The following MSI2 variants were observed in gnomAD, a reference collection of about 807,000 sequenced individuals.
The protein encoded by MSI2 is RNA-binding protein Musashi homolog 2.
A neutral mutation model predicts 45.6 loss-of-function variants in MSI2; 17 were observed. The ratio of observed to expected loss-of-function variants is 0.37; its 90% confidence interval spans 0.26 to 0.56. MSI2 has a LOEUF of 0.56. Among genes scored for constraint, MSI2 ranks in the 20% least tolerant of loss-of-function variants. The pLI, the probability that MSI2 is intolerant of heterozygous loss-of-function variation, is 0.77. For synonymous variants in MSI2, 156 were observed against 158.2 expected (o/e 0.99, Z 0.11); for missense variants, 293 against 444.2 (o/e 0.66, Z 3.06).
At chr17:57,558,654 A>T (rs1403715553) in intron 7 of MSI2, among the ~76,000 whole-genome samples, 1 of 152,222 alleles carries the variant, frequency 6.6e-6, no homozygotes, top group East Asian at 1.9e-4. Flanking sequence ...CCAGTTATAA[A>T]GCACCAGCCC....
intron 7 of MSI2, among the ~76,000 whole-genome samples, chr17:57,571,568 C>T (rs1023470662): frequency 2.6e-5 from 4 of 152,166 alleles, no homozygotes; most frequent in African/African-American, 9.7e-5. Flanking sequence ...CTCTTGGATT[C>T]GTGGTGTGGT....
chr17:57,525,246 C>G (rs903687079), intron 6 of MSI2, among the ~76,000 whole-genome samples: 1 of 152,088 alleles, frequency 6.6e-6, no homozygotes, highest in Non-Finnish European at 1.5e-5. Context: ...ACCAGCTTAC[C>G]TAAATGTTAC....
chr17:57,652,171 T>C lies in MSI2; in HGVS notation c.790+10T>C, dbSNP rs1911202335. ...GCAGCAAGAGGATCAGGTAGGAAGG[T>C]GTATGGGACAGGCGACTCCCAGGCA... On this transcript the variant is annotated intron_variant, in intron 11 of 13. Transcript: ENST00000284073. The surrounding 1 kb of genome is among the most constrained non-coding windows in gnomAD (Gnocchi z 4.1). The C allele has an allele frequency of 4.3e-6, 7 of 1,613,284 alleles. No homozygotes were observed. The highest frequency in any genetic ancestry group is 1.7e-5 in the Admixed American group (1 of 59,976).
rs1909322936 is a variant in MSI2 at position 57,280,493 on chromosome 17, T to C, written c.312+18301T>C. Among the ~76,000 whole-genome samples the C allele has an allele frequency of 6.6e-6, 1 of 152,060 alleles. No homozygotes were observed. Among genetic ancestry groups the C allele is most frequent in the African/African-American group, 2.4e-5 (1 of 41,384 alleles). On this transcript the variant is annotated intron_variant, in intron 5 of 13. Transcript: ENST00000284073. The surrounding 1 kb of genome is among the most constrained non-coding windows in gnomAD (Gnocchi z 4.2). ...TGGAGCAGCAGCTTGGTGGTTTGGT[T>C]AGTTGAGGAGTAGCAAGTGTTAAAG...
intron 6 of MSI2, among the ~76,000 whole-genome samples, chr17:57,526,557 G>A (rs1238514238): frequency 3.3e-5 from 5 of 151,966 alleles, no homozygotes; most frequent in African/African-American, 2.4e-5. Context: ...ATAGAACCGT[G>A]AGAAACAGTC....
At chr17:57,474,764 G>A (rs1354590001) in intron 6 of MSI2, among the ~76,000 whole-genome samples, 2 of 152,034 alleles carry the variant, frequency 1.3e-5, no homozygotes, top group Non-Finnish European at 2.9e-5. Flanking sequence ...TGTCTTCCAG[G>A]CTGAAGTGCA....
intron 5 of MSI2, among the ~76,000 whole-genome samples, chr17:57,371,786 C>G (rs1014299211): frequency 6.6e-6 from 1 of 151,858 alleles, no homozygotes; most frequent in Admixed American, 6.6e-5. Context: ...AGCAACATCT[C>G]TGATCACTTC....
chr17:57,273,102 A>G (rs1018911818), intron 5 of MSI2, among the ~76,000 whole-genome samples: 1 of 152,144 alleles, frequency 6.6e-6, no homozygotes, highest in Non-Finnish European at 1.5e-5. Flanking sequence ...CACCTAGGAG[A>G]GAATTGGGTT....
At chr17:57,513,336 A>G (rs1166319263) in intron 6 of MSI2, among the ~76,000 whole-genome samples, 2 of 152,172 alleles carry the variant, frequency 1.3e-5, no homozygotes, top group African/African-American at 4.8e-5. Flanking sequence ...GAAGTGAAGT[A>G]ACAGAGGCAC....
rs572677712 is a variant in MSI2, at chr17:57,457,351, C to T, written c.405+55880C>T. Reference sequence around the variant, plus strand: ...TTAGGAGATGCAAGGGCTCCATGGCCGTACATGTGGCAACTCCTAAATTAA... The same window carrying T: ...TTAGGAGATGCAAGGGCTCCATGGCTGTACATGTGGCAACTCCTAAATTAA... On this transcript the variant is annotated intron_variant, in intron 6 of 13. Coordinates refer to ENST00000284073, the MANE Select transcript of MSI2 (RefSeq NM_138962.4). 8.5e-5 allele frequency among the ~76,000 whole-genome samples: 13 copies of T among 152,250 alleles called. 1 individual carries two copies. In the South Asian group the frequency reaches 2.7e-3, roughly 32 times the overall value.
At chr17:57,498,353 A>G (rs1416038003) in intron 6 of MSI2, among the ~76,000 whole-genome samples, 1 of 152,264 alleles carries the variant, frequency 6.6e-6, no homozygotes, top group African/African-American at 2.4e-5. Flanking sequence ...ATGAGTAGCT[A>G]AGTATCTGTC....
rs527884677 is a variant in MSI2, at chr17:57,682,921, C to T, written c.*3404C>T. 3.1e-5 allele frequency: 7 copies of T among 226,884 alleles called. No individual in the cohort carries two copies. The highest frequency in any genetic ancestry group is 8.9e-5 in the African/African-American group (4 of 45,090). The allele number at this position is 226,884 out of a possible 1,614,324, so 14.1% of individuals were successfully genotyped here. A position where few individuals can be genotyped will look rare whatever the true frequency, so the allele number is the denominator to read the frequency against. Reference sequence around the variant, plus strand: ...CGGTCCTAGCTGGGCATGGGGCTGACGGAGATGACCAAGCCTTGGTCTGCT... The same window carrying T: ...CGGTCCTAGCTGGGCATGGGGCTGATGGAGATGACCAAGCCTTGGTCTGCT... On this transcript the variant is annotated 3_prime_UTR_variant, in exon 14 of 14. Transcript: ENST00000284073.
intron 6 of MSI2, among the ~76,000 whole-genome samples, chr17:57,466,360 G>A (rs2143654749): frequency 6.6e-6 from 1 of 152,330 alleles, no homozygotes; most frequent in South Asian, 2.1e-4. Flanking sequence ...CATAATAGCT[G>A]CTCAGCAGCC....
intron 6 of MSI2, among the ~76,000 whole-genome samples, chr17:57,482,767 C>G (rs1469288761): frequency 6.6e-6 from 1 of 152,190 alleles, no homozygotes; most frequent in African/African-American, 2.4e-5. Context: ...TGAAGGCTAT[C>G]TGAATGTGCC....
chr17:57,538,131 A>C (rs1567885893), intron 7 of MSI2, among the ~76,000 whole-genome samples: 1 of 151,688 alleles, frequency 6.6e-6, no homozygotes, highest in Non-Finnish European at 1.5e-5. Context: ...GATCTCGGTG[A>C]GGGCAGAGTG....
chr17:57,461,533 A>ATT lies in MSI2; in HGVS notation c.405+60079_405+60080dup, dbSNP rs34312371. Among the ~76,000 whole-genome samples, 254 of 136,178 alleles carry ATT rather than the reference A, an allele frequency of 1.9e-3. 1 individual carries two copies. Among genetic ancestry groups the ATT allele is most frequent in the African/African-American group, 6.7e-3 (242 of 36,294 alleles). 89.3% of individuals were successfully genotyped at this position (136,178 alleles called of 152,430 possible). On this transcript the variant is annotated intron_variant, in intron 6 of 13. Coordinates refer to ENST00000284073, the MANE Select transcript of MSI2 (RefSeq NM_138962.4). The stretch of plus-strand genomic sequence containing the variant: ...AGTAGGGCAGAGCCCCAACTCTTGG[A>ATT]TTTTTTTTTTTTTTTTTTGAGACAT...
At chr17:57,662,850 A>C (rs1912085679) in intron 11 of MSI2, among the ~76,000 whole-genome samples, 1 of 152,174 alleles carries the variant, frequency 6.6e-6, no homozygotes, top group Non-Finnish European at 1.5e-5. Flanking sequence ...CCCTGAATGC[A>C]CTCAGACCAA....
At chr17:57,591,729 C>CAAA (rs60682470) in intron 7 of MSI2, among the ~76,000 whole-genome samples, 1 of 69,498 alleles carries the variant, frequency 1.4e-5, no homozygotes, top group African/African-American at 4.8e-5. Context: ...AACCCTGTCT[C>CAAA]AAAAAAAAAA....
intron 5 of MSI2, among the ~76,000 whole-genome samples, chr17:57,389,528 A>G (rs1422933645): frequency 6.6e-6 from 1 of 152,138 alleles, no homozygotes; most frequent in African/African-American, 2.4e-5. Context: ...TCACAGCTCT[A>G]CCATACTAGA....
Sources: gnomAD v4.1 joint callset for allele counts (sites outside exome capture counted in the v4.1 genomes callset) on GRCh38, gnomAD v4.1.1 for gene constraint, Gnocchi (gnomAD v3.1) non-coding constraint, MANE v1.5 for transcripts, NCBI Gene and HGNC (gene_info 2026-07-23, HGNC 2026-07-21) for gene names.